MSANTD2: variants seen among roughly 807,000 people sequenced by gnomAD.
MSANTD2 encodes the protein Myb/SANT DNA binding domain containing 2.
A neutral mutation model predicts 52.6 loss-of-function variants in MSANTD2; 19 were observed. The observed-to-expected ratio is 0.36, with a 90% CI of 0.25 to 0.53. The LOEUF is 0.53. MSANTD2 is among the 20% of genes least tolerant of loss of function. The pLI is 0.91. For missense variants in MSANTD2, 558 were observed against 716.3 expected, an observed-to-expected ratio of 0.78 and a Z score of 2.52; for synonymous variants, 291 against 289.7, an observed-to-expected ratio of 1.00 and a Z score of -0.04.
At chr11:124,773,549 G>T (rs1237652980) in intron 2 of MSANTD2, among the ~76,000 whole-genome samples, 1 of 152,174 alleles carries the variant, frequency 6.6e-6, no homozygotes, top group African/African-American at 2.4e-5. Flanking sequence ...AAATTAATCG[G>T]TAGTGATCGC....
chr11:124,766,556 G>A lies in MSANTD2; in HGVS notation c.*620C>T, dbSNP rs1156707279. The A allele has an allele frequency of 1.3e-5, 2 of 152,244 alleles. No individual in the cohort carries two copies. Among genetic ancestry groups the A allele is most frequent in the African/African-American group, 4.8e-5 (2 of 41,286 alleles). 9.4% of individuals were successfully genotyped at this position (152,244 alleles called of 1,614,324 possible). ...AAAAGGTTTAAATGGCAACACAACT[G>A]TAAAGTTGGTACATCACAGAAACAA... is the stretch of plus-strand genomic sequence containing the variant. On this transcript the variant is annotated 3_prime_UTR_variant, in exon 4 of 4. Transcript: ENST00000374979.
intron 1 of MSANTD2, chr11:124,783,949 T>G (rs950029505): frequency 4.1e-6 from 4 of 985,306 alleles, no homozygotes; most frequent in Non-Finnish European, 4.8e-6. Flanking sequence ...ACACCTAGCA[T>G]GCATGTTCAT....
chr11:124,772,093 AGATCAAATT>A (rs1944545291), intron 3 of MSANTD2, among the ~76,000 whole-genome samples: 1 of 152,206 alleles, frequency 6.6e-6, no homozygotes. Flanking sequence ...AACTCGGGGA[AGATCAAATT>A]GTATGGACCA....
At chr11:124,783,656 A>G (rs1467470434) in intron 1 of MSANTD2, 3 of 867,554 alleles carry the variant, frequency 3.5e-6, no homozygotes, top group Non-Finnish European at 2.8e-6. Context: ...AAGTAAAAAC[A>G]AAACTTTAAA....
chr11:124,780,698 T>G (rs1944928907), intron 1 of MSANTD2, among the ~76,000 whole-genome samples: 2 of 152,332 alleles, frequency 1.3e-5, no homozygotes, highest in African/African-American at 2.4e-5. Context: ...CATACATTAG[T>G]TTGAAACCCT....
At chr11:124,799,070 C>T (rs1356343723) in intron 1 of MSANTD2, among the ~76,000 whole-genome samples, 1 of 152,132 alleles carries the variant, frequency 6.6e-6, no homozygotes, top group Non-Finnish European at 1.5e-5. Context: ...CAAGGACGGC[C>T]AGATGCACAC....
intron 1 of MSANTD2, chr11:124,792,282 T>A (rs1411979156): frequency 6.6e-6 from 1 of 152,312 alleles, no homozygotes; most frequent in Admixed American, 6.5e-5. Context: ...CCAAAACTAC[T>A]GGCTCCACCA....
intron 3 of MSANTD2, among the ~76,000 whole-genome samples, chr11:124,772,761 AAAAAAAAAAG>A: frequency 6.6e-6 from 1 of 151,434 alleles, no homozygotes; most frequent in African/African-American, 2.4e-5. Context: ...AAAAAAAAAA[AAAAAAAAAAG>A]AACGTATAGA....
intron 1 of MSANTD2, among the ~76,000 whole-genome samples, chr11:124,781,621 T>C (rs1017420807): frequency 2.6e-5 from 4 of 152,060 alleles, no homozygotes; most frequent in African/African-American, 9.7e-5. Flanking sequence ...TATGACTCTA[T>C]TAAAACTGTT....
chr11:124,780,967 G>A (rs1349842347), intron 1 of MSANTD2, among the ~76,000 whole-genome samples: 1 of 152,178 alleles, frequency 6.6e-6, no homozygotes, highest in African/African-American at 2.4e-5. Flanking sequence ...CGGATCACCT[G>A]AGGTCAGGAG....
intron 1 of MSANTD2, among the ~76,000 whole-genome samples, chr11:124,787,977 C>T (rs1784129034): frequency 6.6e-6 from 1 of 151,874 alleles, no homozygotes; most frequent in African/African-American, 2.4e-5. Flanking sequence ...TGCCTGTAGG[C>T]CCAGCTACCA....
chr11:124,792,695 T>C (rs551972869), intron 1 of MSANTD2: 4 of 152,312 alleles, frequency 2.6e-5, no homozygotes, highest in African/African-American at 9.6e-5. Flanking sequence ...AAGATGGACA[T>C]CTTGAAGGTG....
rs1945661330 is a variant in MSANTD2, at chr11:124,800,345, G to C, written c.36C>G (p.Asn12Lys). ...AAPCGSELPANSPLKIPKMEV... is the reference protein window; with the variant it reads ...AAPCGSELPAKSPLKIPKMEV... ...CCATCTTCGGAATTTTTAGCGGCGA[G>C]TTGGCGGGCAGCTCCGAGCCACAGG... The change falls in exon 1 of 4, where the codon AAC (asparagine) becomes AAG (lysine). Residue 12 changes from asparagine to lysine, a missense_variant. Around this residue, in one of 2 missense-constraint regions of MSANTD2, gnomAD observed 150 missense variants for 142.7 expected, o/e 1.05. Transcript: ENST00000374979. The surrounding 1 kb of genome is among the most constrained non-coding windows in gnomAD (Gnocchi z 4.3). 1 of 1,553,156 alleles carries C rather than the reference G, an allele frequency of 6.4e-7. No individual in the cohort carries two copies. Among genetic ancestry groups the C allele is most frequent in the African/African-American group, 1.4e-5 (1 of 70,576 alleles).
intron 1 of MSANTD2, 147 bp downstream of exon 1, chr11:124,799,724 G>A (rs1014321175): frequency 1.8e-5 from 11 of 596,922 alleles, no homozygotes; most frequent in African/African-American, 4.0e-5. Context: ...CCTTCCCAGG[G>A]AGAGAAGAAA....
intron 1 of MSANTD2, among the ~76,000 whole-genome samples, chr11:124,794,484 C>T (rs761939245): frequency 1.3e-4 from 20 of 152,094 alleles, no homozygotes; most frequent in Admixed American, 2.6e-4. Flanking sequence ...ACAACAGAGA[C>T]TAAATATATA....
chr11:124,774,095 G>A lies in MSANTD2; in HGVS notation c.766+624C>T, dbSNP rs1944647228. Among the ~76,000 whole-genome samples, 1 of 152,146 alleles carries A rather than the reference G, an allele frequency of 6.6e-6. No homozygotes were observed. Among genetic ancestry groups the A allele is most frequent in the Non-Finnish European group, 1.5e-5 (1 of 68,026 alleles). Reference sequence around the variant, plus strand: ...TTTATTTTCCATTTTTAATGCCTATGACTGTATAAATAATTCCAGCTACTG... The same window carrying A: ...TTTATTTTCCATTTTTAATGCCTATAACTGTATAAATAATTCCAGCTACTG... On this transcript the variant is annotated intron_variant, in intron 2 of 3. Transcript: ENST00000374979. This position sits in a 1 kb window ranked among gnomAD's most constrained non-coding sequence, Gnocchi z 5.1.
chr11:124,770,314 G>GT (rs59573200), intron 3 of MSANTD2, among the ~76,000 whole-genome samples: 204 of 143,196 alleles, frequency 1.4e-3, no homozygotes, highest in Middle Eastern at 7.2e-3. Flanking sequence ...TTGTTTGTTT[G>GT]TTTTTTTTTT....
intron 1 of MSANTD2, chr11:124,791,589 G>T: frequency 6.9e-7 from 1 of 1,442,776 alleles, no homozygotes; most frequent in Non-Finnish European, 9.7e-7. Context: ...TCTCCGAGGA[G>T]TAAGCCCGCT....
At chr11:124,797,627 T>C (rs1348666479) in intron 1 of MSANTD2, among the ~76,000 whole-genome samples, 2 of 152,226 alleles carry the variant, frequency 1.3e-5, no homozygotes, top group East Asian at 1.9e-4. Context: ...TCAACATTAC[T>C]AATGAAAAAG....
Sources: gnomAD v4.1 joint callset for allele counts (sites outside exome capture counted in the v4.1 genomes callset) on GRCh38, gnomAD v4.1.1 for gene constraint, gnomAD v4.1.1 regional missense constraint, Gnocchi (gnomAD v3.1) non-coding constraint, MANE v1.5 for transcripts, NCBI Gene and HGNC (gene_info 2026-07-23, HGNC 2026-07-21) for gene names.